The following C5orf46 variants were observed in gnomAD, a reference collection of about 807,000 sequenced individuals.
C5orf46 encodes the protein uncharacterized protein C5orf46.
C5orf46 carries 9 observed loss-of-function variants against 8.9 expected under a neutral mutation model. The ratio of observed to expected loss-of-function variants is 1.01; its 90% CI spans 0.61 to 1.76. The LOEUF (loss-of-function observed/expected upper bound fraction) is 1.76. Ranked by LOEUF, C5orf46 falls within the 40% of genes most tolerant of loss-of-function variation. The pLI, the probability that C5orf46 is intolerant of heterozygous loss-of-function variation, is 0.00. For missense variants in C5orf46, 98 were observed against 107.8 expected (o/e 0.91, Z 0.40); for synonymous variants, 47 against 41.4 (o/e 1.14, Z -0.52).
At chr5:147,889,772 C>G (rs145487376), downstream of C5orf46, among the ~76,000 whole-genome samples, 4 of 152,274 alleles carry the variant, frequency 2.6e-5, no homozygotes, top group African/African-American at 9.6e-5. Context: ...GTGATCTTGT[C>G]AGATTCTCAA....
At chr5:147,888,950 A>G (rs1319124624), downstream of C5orf46, among the ~76,000 whole-genome samples, 2 of 152,182 alleles carry the variant, frequency 1.3e-5, no homozygotes, top group African/African-American at 4.8e-5. Context: ...ATTTGGGCCA[A>G]TAAGGGAGTG....
At chr5:147,897,546 G>T (rs919562901) in intron 2 of C5orf46, among the ~76,000 whole-genome samples, 10 of 152,176 alleles carry the variant, frequency 6.6e-5, no homozygotes, top group African/African-American at 2.4e-4. Flanking sequence ...CTTAAGGACT[G>T]GGTACCAGGG....
At chr5:147,894,871 C>T (rs886615541) in intron 3 of C5orf46, among the ~76,000 whole-genome samples, 1 of 151,670 alleles carries the variant, frequency 6.6e-6, no homozygotes, top group African/African-American at 2.4e-5. Context: ...CCATCATGGC[C>T]AACATGGTGA....
chr5:147,896,068 G>T (rs918596727), intron 3 of C5orf46, among the ~76,000 whole-genome samples: 1 of 152,190 alleles, frequency 6.6e-6, no homozygotes, highest in African/African-American at 2.4e-5. Flanking sequence ...ACTCAACTAA[G>T]CAAAGGGGTG....
chr5:147,903,483 A>G (rs2127132040), intron 1 of C5orf46, among the ~76,000 whole-genome samples: 1 of 152,328 alleles, frequency 6.6e-6, no homozygotes, highest in South Asian at 2.1e-4. Flanking sequence ...CTGACTTTGG[A>G]TAAAGGAGAT....
chr5:147,893,281 C>CTTTT (rs768391434), intron 3 of C5orf46, among the ~76,000 whole-genome samples: 2 of 127,670 alleles, frequency 1.6e-5, no homozygotes, highest in African/African-American at 5.9e-5. Flanking sequence ...TCACATAAAT[C>CTTTT]TTTTTTTTTT....
downstream of C5orf46, among the ~76,000 whole-genome samples, chr5:147,889,565 TGATA>T (rs2127122956): frequency 2.0e-5 from 3 of 152,274 alleles, no homozygotes; most frequent in African/African-American, 7.2e-5. Flanking sequence ...GGTAATGGGT[TGATA>T]GATACAGCAA....
At position 147,901,683 on chromosome 5, in the gene C5orf46, G is replaced by C; in HGVS notation, c.161C>G (p.Thr54Arg). The C allele has an allele frequency of 4.3e-6, 7 of 1,614,036 alleles. No homozygotes were observed. The highest frequency in any genetic ancestry group is 5.9e-6 in the Non-Finnish European group (7 of 1,179,974). Reference protein sequence around the residue: ...DFPKFLSLLGTEIIENAVEFI... With the variant: ...DFPKFLSLLGREIIENAVEFI... ...CTCGACTGCATTCTCAATGATCTCT[G>C]TGCCCAGGAGGCTTAGGAATTTGGG... Residue 54 changes from threonine (T) to arginine (R), a missense_variant, in exon 2 of 4, where the codon ACA (threonine) becomes AGA (arginine). Physicochemically the swap from Thr to Arg is moderately conservative, Grantham distance 71 (BLOSUM62 -1). Transcript: ENST00000318315.
In C5orf46 at chr5:147,886,717, ATTAAT is replaced by A. The variant is rs1258027023; in HGVS notation, n.205-5628_205-5624del. The A allele has an allele frequency of 2.6e-5, 4 of 151,234 alleles. No homozygotes were observed. The East Asian group carries it at 5.8e-4, about 22-fold the overall frequency. 9.4% of individuals were successfully genotyped at this position (151,234 alleles called of 1,614,324 possible). ...TATTTAAATTGTTATCTATGTGAAT[ATTAAT>A]TTAATTTATATAATGTATATTATAT... On this transcript the variant is annotated intron_variant and non_coding_transcript_variant, in intron 2 of 2. Coordinates refer to the C5orf46 transcript ENST00000510432.
At chr5:147,901,878 C>A in intron 1 of C5orf46, 105 bp from the exon 2 acceptor site, 1 of 1,231,156 alleles carries the variant, frequency 8.1e-7, no homozygotes, top group South Asian at 1.5e-5. Context: ...TCACAAATTT[C>A]ATAGCCTTAT....
chr5:147,894,685 G>A (rs964683926), intron 3 of C5orf46, among the ~76,000 whole-genome samples: 3 of 151,110 alleles, frequency 2.0e-5, no homozygotes, highest in African/African-American at 7.3e-5. Context: ...CAGCCAGCTA[G>A]TTATTCATTT....
At chr5:147,901,020 CATG>C (rs1757659600) in intron 2 of C5orf46, among the ~76,000 whole-genome samples, 1 of 152,158 alleles carries the variant, frequency 6.6e-6, no homozygotes, top group Non-Finnish European at 1.5e-5. Flanking sequence ...GGCAGTCTCT[CATG>C]ATGAAAACCA....
chr5:147,896,028 G>A (rs1308362328), intron 3 of C5orf46, among the ~76,000 whole-genome samples: 1 of 152,150 alleles, frequency 6.6e-6, no homozygotes, highest in Non-Finnish European at 1.5e-5. Context: ...GTTGGGAAAG[G>A]CCATGCTTCC....
downstream of C5orf46, among the ~76,000 whole-genome samples, chr5:147,889,092 T>C (rs1295607352): frequency 6.6e-6 from 1 of 152,110 alleles, no homozygotes; most frequent in Non-Finnish European, 1.5e-5. Context: ...TATTAGTGCA[T>C]GTGCTTATAC....
At chr5:147,890,588 A>G (rs1211749309), downstream of C5orf46, among the ~76,000 whole-genome samples, 1 of 152,232 alleles carries the variant, frequency 6.6e-6, no homozygotes, top group African/African-American at 2.4e-5. Flanking sequence ...AGTTTTAAAT[A>G]AAATGATCAA....
intron 3 of C5orf46, among the ~76,000 whole-genome samples, chr5:147,893,660 A>G (rs1385612315): frequency 6.6e-6 from 1 of 152,128 alleles, no homozygotes; most frequent in Non-Finnish European, 1.5e-5. Context: ...CTCCTGCCTC[A>G]GCCTCATGAG....
chr5:147,893,891 A>T lies in C5orf46; in HGVS notation c.*10-952T>A, dbSNP rs533855591. ...CTTATAAGCAGAAAAGAGGAATCTG[A>T]CTTTAGGGAAGGCATATTTTTTTTT... On this transcript the variant is annotated intron_variant, in intron 3 of 3. Coordinates refer to ENST00000318315, the MANE Select transcript of C5orf46 (RefSeq NM_206966.3). Among the ~76,000 whole-genome samples the T allele has an allele frequency of 2.0e-5, 3 of 150,138 alleles. No individual in the cohort carries two copies. The South Asian group carries it at 6.3e-4, about 31-fold the overall frequency.
intron 1 of C5orf46, among the ~76,000 whole-genome samples, chr5:147,902,017 G>T (rs1402335165): frequency 6.6e-6 from 1 of 152,192 alleles, no homozygotes; most frequent in Non-Finnish European, 1.5e-5. Flanking sequence ...GGCACCGCCT[G>T]GTGAGTGAGA....
intron 1 of C5orf46, among the ~76,000 whole-genome samples, chr5:147,904,758 G>A (rs73263263): frequency 0.071 from 10,756 of 151,804 alleles, 926 homozygotes; most frequent in African/African-American, 0.21. Flanking sequence ...CTTGCACACA[G>A]TGCTTAACTT....
Sources: gnomAD v4.1 joint callset for allele counts (sites outside exome capture counted in the v4.1 genomes callset) on GRCh38, gnomAD v4.1.1 for gene constraint, MANE v1.5 for transcripts, NCBI Gene and HGNC (gene_info 2026-07-23, HGNC 2026-07-21) for gene names.